The following HHAT variants were observed in gnomAD, a reference collection of about 807,000 sequenced individuals.
HHAT encodes the protein protein-cysteine N-palmitoyltransferase HHAT.
HHAT carries 47 observed loss-of-function variants against 70.8 expected under a neutral mutation model. The ratio of observed to expected loss-of-function variants is 0.66; its 90% CI spans 0.53 to 0.85. HHAT has a LOEUF of 0.85. Ranked by LOEUF, HHAT falls within the 40% of genes least tolerant of loss-of-function variation. The probability of loss-of-function intolerance (pLI) is 0.00; values close to 1 mark genes in which losing one functional copy is unlikely to be tolerated. For synonymous variants in HHAT, 228 were observed against 247.6 expected (o/e 0.92, Z 0.74); for missense variants, 609 against 604.8 (o/e 1.01, Z -0.07).
chr1:210,566,926 G>A (rs1180791870), intron 9 of HHAT, among the ~76,000 whole-genome samples: 1 of 152,208 alleles, frequency 6.6e-6, no homozygotes, highest in Non-Finnish European at 1.5e-5. Flanking sequence ...TTCACAGATG[G>A]CAAGGCTAAA....
upstream of HHAT, chr1:210,328,346 A>G (rs2147887327): frequency 6.6e-6 from 1 of 152,318 alleles, no homozygotes; most frequent in Non-Finnish European, 1.5e-5. Flanking sequence ...TTCACAACGC[A>G]ATCAAAATCT....
chr1:210,432,119 G>A (rs2093263028), intron 7 of HHAT, among the ~76,000 whole-genome samples: 1 of 151,698 alleles, frequency 6.6e-6, no homozygotes, highest in Admixed American at 6.6e-5. Flanking sequence ...GGGGTTCTGG[G>A]AACCAATTTC....
intron 8 of HHAT, among the ~76,000 whole-genome samples, chr1:210,505,849 A>G (rs2094843871): frequency 6.6e-6 from 1 of 152,204 alleles, no homozygotes; most frequent in Admixed American, 6.5e-5. Context: ...CAGTGGTTCT[A>G]AAACATACCT....
chr1:210,452,046 T>C (rs1178887394), intron 7 of HHAT, among the ~76,000 whole-genome samples: 2 of 152,184 alleles, frequency 1.3e-5, no homozygotes, highest in Non-Finnish European at 2.9e-5. Flanking sequence ...TAGGACCAGA[T>C]GAATTTCAGA....
At chr1:210,431,356 A>T (rs2093237156) in intron 7 of HHAT, among the ~76,000 whole-genome samples, 1 of 151,774 alleles carries the variant, frequency 6.6e-6, no homozygotes, top group South Asian at 2.1e-4. Flanking sequence ...GCAGCCTGGC[A>T]GGTTCTACCA....
intron 4 of HHAT, among the ~76,000 whole-genome samples, chr1:210,391,923 G>A (rs2091485217): frequency 6.6e-6 from 1 of 152,044 alleles, no homozygotes; most frequent in Non-Finnish European, 1.5e-5. Context: ...AGGCTGGAGT[G>A]CAGTGGTGTA....
chr1:210,570,573 A>G (rs1461114520), intron 9 of HHAT, among the ~76,000 whole-genome samples: 2 of 151,720 alleles, frequency 1.3e-5, no homozygotes, highest in Non-Finnish European at 2.9e-5. Context: ...CGAGCCACAG[A>G]CCCACCACCC....
At chr1:210,411,459 A>C (rs900097719) in intron 6 of HHAT, among the ~76,000 whole-genome samples, 3 of 152,182 alleles carry the variant, frequency 2.0e-5, no homozygotes, top group African/African-American at 7.2e-5. Context: ...GCTTCTCTCC[A>C]AGAGTTTGAG....
chr1:210,433,704 A>C (rs999584262), intron 7 of HHAT, among the ~76,000 whole-genome samples: 1 of 151,968 alleles, frequency 6.6e-6, no homozygotes, highest in South Asian at 2.1e-4. Flanking sequence ...TCCTGGAGAT[A>C]TCAAACTAAA....
rs566644725 is a variant in HHAT, at chr1:210,610,542, T to C, written c.1246-12984T>C. Among the ~76,000 whole-genome samples the C allele has an allele frequency of 1.6e-3, 248 of 152,318 alleles. 2 individuals are homozygous for C. The highest frequency in any genetic ancestry group is 0.012 in the South Asian group (57 of 4,830). ...TAATTAGATGCCATTTGTCAATTTT[T>C]GCTTTCGTTGCAATTGCTTTTGGGG... On this transcript the variant is annotated intron_variant, in intron 10 of 11. Coordinates refer to ENST00000261458, the MANE Select transcript of HHAT (RefSeq NM_018194.6).
chr1:210,533,167 A>G (rs561097152), intron 9 of HHAT, among the ~76,000 whole-genome samples: 3 of 152,276 alleles, frequency 2.0e-5, no homozygotes, highest in East Asian at 3.9e-4. Flanking sequence ...TTCCAGCCCT[A>G]TCATTGCTCA....
At chr1:210,475,275 G>GT (rs1166823403) in intron 8 of HHAT, among the ~76,000 whole-genome samples, 1 of 152,094 alleles carries the variant, frequency 6.6e-6, no homozygotes, top group East Asian at 1.9e-4. Context: ...CCTTATCCTG[G>GT]TTTTCTGGCC....
chr1:210,644,164 T>C (rs984668595), intron 11 of HHAT, among the ~76,000 whole-genome samples: 53 of 152,348 alleles, frequency 3.5e-4, no homozygotes, highest in African/African-American at 1.2e-3. Context: ...TAACATTACT[T>C]GTATACAACC....
At chr1:210,522,521 T>TC (rs1162917097) in intron 9 of HHAT, among the ~76,000 whole-genome samples, 5 of 152,042 alleles carry the variant, frequency 3.3e-5, no homozygotes, top group East Asian at 1.9e-4. Context: ...TGGGGCTGGG[T>TC]CCCCCCTTCC....
intron 4 of HHAT, 110 bp downstream of exon 4, chr1:210,387,691 G>GAAAAAAAAA: frequency 1.4e-6 from 1 of 740,314 alleles, no homozygotes; most frequent in Non-Finnish European, 2.3e-6. Flanking sequence ...TGGGAGCCTG[G>GAAAAAAAAA]AAAAAATGAT....
chr1:210,624,045 C>A (rs1669384991), intron 11 of HHAT, among the ~76,000 whole-genome samples: 1 of 152,100 alleles, frequency 6.6e-6, no homozygotes, highest in Non-Finnish European at 1.5e-5. Flanking sequence ...CCCCAATTGG[C>A]ATTATTAAGA....
intron 10 of HHAT, among the ~76,000 whole-genome samples, chr1:210,602,331 G>A (rs938613823): frequency 2.6e-5 from 4 of 152,166 alleles, no homozygotes; most frequent in African/African-American, 9.7e-5. Context: ...AGAGGCCCCT[G>A]ATGTTCATGG....
At chr1:210,571,958 A>AT (rs1324114942) in intron 9 of HHAT, among the ~76,000 whole-genome samples, 7 of 152,244 alleles carry the variant, frequency 4.6e-5, no homozygotes, top group African/African-American at 1.7e-4. Flanking sequence ...TTACCATGGG[A>AT]TTTTTCAAAT....
rs758961700 is a variant in HHAT at position 210,675,235 on chromosome 1, C to CAGTG, written c.*858_*861dup. 3 of 152,210 alleles carry CAGTG rather than the reference C, an allele frequency of 2.0e-5. No homozygotes were observed. The highest frequency in any genetic ancestry group is 4.4e-5 in the Non-Finnish European group (3 of 68,034). The allele number at this position is 152,210 out of a possible 1,614,324, so 9.4% of individuals were successfully genotyped here. A position where few individuals can be genotyped will look rare whatever the true frequency, so the allele number is the denominator to read the frequency against. ...AAGTCTCAAAAGTCATCCTCCTACTCAGTGATTCACGTTTAGTGGTTTATA... is the reference window on the plus strand; with the variant it reads ...AAGTCTCAAAAGTCATCCTCCTACTCAGTGAGTGATTCACGTTTAGTGGTTTATA... On this transcript the variant is annotated 3_prime_UTR_variant, in exon 12 of 12. Coordinates refer to ENST00000261458, the MANE Select transcript of HHAT (RefSeq NM_018194.6).
Sources: allele counts gnomAD v4.1 joint callset (sites outside exome capture counted in the v4.1 genomes callset), GRCh38; gene constraint gnomAD v4.1.1; transcripts MANE v1.5; gene names NCBI Gene and HGNC (gene_info 2026-07-23, HGNC 2026-07-21).